DNAJC13: variants seen among roughly 807,000 people sequenced by gnomAD.
DNAJC13 encodes the protein dnaJ homolog subfamily C member 13.
Under a neutral mutation model 290.5 loss-of-function variants are expected in DNAJC13, and 75 were observed. That is an observed-to-expected ratio of 0.26 (90% CI 0.21 to 0.31). The LOEUF (loss-of-function observed/expected upper bound fraction) is 0.31. Ranked by LOEUF, DNAJC13 falls within the 10% of genes least tolerant of loss-of-function variation. The pLI is 1.00. For synonymous variants in DNAJC13, 862 were observed against 892.0 expected, an observed-to-expected ratio of 0.97 and a Z score of 0.60; for missense variants, 2,260 against 2,674.5, an observed-to-expected ratio of 0.85 and a Z score of 3.42.
chr3:132,503,260 G>T lies in DNAJC13; in HGVS notation c.4763G>T (p.Arg1588Leu), dbSNP rs145101163. 1.2e-6 allele frequency: 2 copies of T among 1,613,908 alleles called. No homozygotes were observed. Among genetic ancestry groups the T allele is most frequent in the East Asian group, 2.2e-5 (1 of 44,886 alleles). The change falls in exon 41 of 56, where the codon CGC (arginine) becomes CTC (leucine). Residue 1588 changes from arginine to leucine, a missense_variant. Around this residue, in one of 3 missense-constraint regions of DNAJC13, gnomAD observed 1,494 missense variants for 1,693.7 expected, o/e 0.88. Coordinates refer to ENST00000260818, the MANE Select transcript of DNAJC13 (RefSeq NM_015268.4). Reference sequence around the variant, plus strand: ...AAACTGAGTGTCCATGCTCTGAGTCGCCTTGGAGGGTATTTGGCTGAAGAA... The same window carrying T: ...AAACTGAGTGTCCATGCTCTGAGTCTCCTTGGAGGGTATTTGGCTGAAGAA... ...LAKLSVHALS[R>L]LGGYLAEEQA...
chr3:132,502,594 T>C, intron 40 of DNAJC13, 126 bp downstream of exon 40: 1 of 907,008 alleles, frequency 1.1e-6, no homozygotes, highest in Non-Finnish European at 1.5e-6. Context: ...AATTAGGTTT[T>C]TTGCTTTTTA....
At position 132,483,455 on chromosome 3, in the gene DNAJC13, T is replaced by G; in HGVS notation, c.3060T>G (p.Leu1020=). The part of the protein sequence containing the change: ...WAQGMDGWRP[L]QSIPQLKWCL... ...AAGGCATGGATGGATGGCGACCACT[T>G]CAGTCCATACCCCAGCTTAAGTGGT... The change falls in exon 28 of 56, where the codon CTT becomes CTG. Residue 1020 remains leucine, a synonymous_variant. Coordinates refer to ENST00000260818, the MANE Select transcript of DNAJC13 (RefSeq NM_015268.4). 2.5e-6 allele frequency: 4 copies of G among 1,614,134 alleles called. No homozygotes were observed. The highest frequency in any genetic ancestry group is 2.5e-6 in the Non-Finnish European group (3 of 1,180,006).
intron 21 of DNAJC13, among the ~76,000 whole-genome samples, 169 bp from the exon 22 acceptor site, chr3:132,474,763 A>C (rs545798266): frequency 7.0e-6 from 1 of 143,308 alleles, no homozygotes; most frequent in African/African-American, 2.6e-5. Flanking sequence ...GTTTTACTCT[A>C]CTTCCTTTAC....
chr3:132,447,094 A>T (rs1414011237), intron 3 of DNAJC13, among the ~76,000 whole-genome samples: 1 of 152,040 alleles, frequency 6.6e-6, no homozygotes, highest in African/African-American at 2.4e-5. Context: ...TTTAATTTTA[A>T]TTTCTTTGGA....
intron 15 of DNAJC13, 81 bp from the exon 16 acceptor site, chr3:132,462,386 C>A: frequency 7.5e-7 from 1 of 1,334,878 alleles, no homozygotes; most frequent in Non-Finnish European, 1.1e-6. Flanking sequence ...AAAATGTATA[C>A]CCTTCTTAAG....
chr3:132,514,720 A>G (rs1300089061), intron 46 of DNAJC13, 50 bp downstream of exon 46: 2 of 1,377,754 alleles, frequency 1.5e-6, no homozygotes, highest in Non-Finnish European at 2.1e-6. Flanking sequence ...TAGCCCATGG[A>G]AAGGAGTTGT....
At chr3:132,514,075 C>T (rs1374710168) in intron 45 of DNAJC13, among the ~76,000 whole-genome samples, 8 of 152,072 alleles carry the variant, frequency 5.3e-5, no homozygotes, top group Non-Finnish European at 1.0e-4. Context: ...TTTAAATAAA[C>T]GTCATTAAAT....
chr3:132,491,613 G>T (rs1366356160), intron 32 of DNAJC13, among the ~76,000 whole-genome samples: 1 of 152,136 alleles, frequency 6.6e-6, no homozygotes, highest in Non-Finnish European at 1.5e-5. Flanking sequence ...AAAAAGGAAA[G>T]GCTCAGAAGC....
chr3:132,518,640 G>A (rs1000830261), intron 48 of DNAJC13, among the ~76,000 whole-genome samples: 23 of 152,198 alleles, frequency 1.5e-4, no homozygotes, highest in African/African-American at 5.6e-4. Context: ...TGCAGGGTGA[G>A]CCAGTGTGTC....
At chr3:132,486,571 C>T (rs1381001016) in intron 29 of DNAJC13, among the ~76,000 whole-genome samples, 13 of 152,210 alleles carry the variant, frequency 8.5e-5, no homozygotes, top group Non-Finnish European at 1.5e-4. Context: ...AATCTAGCTT[C>T]GAACAGTGTG....
At chr3:132,489,276 A>G (rs1934983868) in intron 31 of DNAJC13, among the ~76,000 whole-genome samples, 1 of 152,200 alleles carries the variant, frequency 6.6e-6, no homozygotes, top group Non-Finnish European at 1.5e-5. Context: ...TGACACCTCC[A>G]TGAATATAAG....
In DNAJC13 at chr3:132,466,302, C is replaced by T; in HGVS notation, c.1972C>T (p.Pro658Ser). The change falls in exon 19 of 56, where the codon CCA becomes TCA. Residue 658 changes from proline (P) to serine (S), a missense_variant. This residue lies in a region of DNAJC13 where 762 missense variants were observed against 964.1 expected (regional missense o/e 0.79). Coordinates refer to ENST00000260818, the MANE Select transcript of DNAJC13 (RefSeq NM_015268.4). ...ATNLLKRILP[P>S]GLLAYLESSD... ...AAAATGGATTTTGTGTTTTTAGCCG[C>T]CAGGCTTGCTGGCATACTTGGAAAG... is the stretch of plus-strand genomic sequence containing the variant. The T allele has an allele frequency of 6.3e-7, 1 of 1,582,870 alleles. No individual in the cohort carries two copies. Among genetic ancestry groups the T allele is most frequent in the Non-Finnish European group, 8.5e-7 (1 of 1,170,220 alleles).
intron 9 of DNAJC13, among the ~76,000 whole-genome samples, chr3:132,454,718 TAAG>T (rs927140452): frequency 6.6e-6 from 1 of 152,010 alleles, no homozygotes; most frequent in Non-Finnish European, 1.5e-5. Context: ...GCTTTCAGTC[TAAG>T]GTCAACAAGA....
intron 6 of DNAJC13, among the ~76,000 whole-genome samples, 180 bp from the exon 7 acceptor site, chr3:132,453,118 A>G (rs1229478554): frequency 6.6e-6 from 1 of 152,230 alleles, no homozygotes; most frequent in Non-Finnish European, 1.5e-5. Context: ...TCTGTATCCC[A>G]GACTTTATTA....
chr3:132,499,876 A>C, intron 38 of DNAJC13, 68 bp downstream of exon 38: 1 of 1,410,696 alleles, frequency 7.1e-7, no homozygotes. Context: ...AACATATCTG[A>C]GAATCAACTG....
intron 5 of DNAJC13, among the ~76,000 whole-genome samples, chr3:132,450,347 T>G (rs1263084859): frequency 6.6e-6 from 1 of 152,106 alleles, no homozygotes; most frequent in Non-Finnish European, 1.5e-5. Flanking sequence ...CTATGTAGGA[T>G]TTCCTCTTTT....
intron 6 of DNAJC13, among the ~76,000 whole-genome samples, chr3:132,451,543 A>T (rs1164256475): frequency 6.6e-6 from 1 of 151,342 alleles, no homozygotes; most frequent in Admixed American, 6.6e-5. Context: ...ATATATAACT[A>T]TTTTTTTTTA....
intron 1 of DNAJC13, among the ~76,000 whole-genome samples, chr3:132,417,961 A>G (rs1375100016): frequency 6.6e-6 from 1 of 152,044 alleles, no homozygotes; most frequent in Non-Finnish European, 1.5e-5. Context: ...TTTGAGTGAC[A>G]TTAGCTCAGG....
At chr3:132,469,918 T>C (rs1029612192) in intron 20 of DNAJC13, among the ~76,000 whole-genome samples, 4 of 149,998 alleles carry the variant, frequency 2.7e-5, no homozygotes, top group Non-Finnish European at 5.9e-5. Flanking sequence ...GATTAGAGTT[T>C]TCATATCTGA....
Sources: allele counts gnomAD v4.1 joint callset (sites outside exome capture counted in the v4.1 genomes callset), GRCh38; gene constraint gnomAD v4.1.1; regional missense constraint gnomAD v4.1.1; transcripts MANE v1.5; gene names NCBI Gene and HGNC (gene_info 2026-07-23, HGNC 2026-07-21).